DLC1: variants seen among roughly 807,000 people sequenced by gnomAD.
The protein encoded by DLC1 is DLC1 Rho GTPase activating protein.
Under a neutral mutation model 140.3 loss-of-function variants are expected in DLC1, and 54 were observed. That is an observed-to-expected ratio of 0.38 (90% CI 0.31 to 0.48). DLC1 has a LOEUF of 0.48. DLC1 is among the 20% of genes least tolerant of loss of function. The pLI, the probability that DLC1 is intolerant of heterozygous loss-of-function variation, is 0.96. For missense variants in DLC1, 2,536 were observed against 1,907.0 expected (o/e 1.33, Z -6.14); for synonymous variants, 986 against 728.1 (o/e 1.35, Z -5.70).
intron 5 of DLC1, among the ~76,000 whole-genome samples, chr8:13,144,519 A>C (rs1472554454): frequency 1.3e-5 from 2 of 152,174 alleles, no homozygotes; most frequent in Admixed American, 6.5e-5. Context: ...TAATATCAGC[A>C]CTTTGGGAGG....
chr8:13,100,425 C>G lies in DLC1; in HGVS notation c.1912G>C (p.Gly638Arg), dbSNP rs533131857. The change falls in exon 9 of 18, where the codon GGC (glycine) becomes CGC (arginine). Residue 638 changes from glycine (G) to arginine (R), a missense_variant. By Grantham distance (125) the Gly-to-Arg change is moderately radical. Transcript: ENST00000276297. Reference protein sequence around the residue: ...SNLAGNDDSFGSLPSPKELSS... With the variant: ...SNLAGNDDSFRSLPSPKELSS... ...AGTTCCTTGGGAGAGGGCAGGCTGC[C>G]GAAAGAGTCGTCATTGCCTGCCAAG... 1 of 1,613,982 alleles carries G rather than the reference C, an allele frequency of 6.2e-7. No individual in the cohort carries two copies. The highest frequency in any genetic ancestry group is 8.5e-7 in the Non-Finnish European group (1 of 1,180,028).
At chr8:13,382,367 C>A (rs1004695087) in intron 4 of DLC1, among the ~76,000 whole-genome samples, 5 of 150,634 alleles carry the variant, frequency 3.3e-5, no homozygotes, top group African/African-American at 1.2e-4. Flanking sequence ...ATTAGCCGGG[C>A]GAGGTGGCGG....
intron 5 of DLC1, among the ~76,000 whole-genome samples, chr8:13,123,850 T>G (rs1293474942): frequency 1.3e-5 from 2 of 152,106 alleles, no homozygotes; most frequent in African/African-American, 4.8e-5. Context: ...CTCATACAAT[T>G]TTTGTTCTAG....
intron 1 of DLC1, among the ~76,000 whole-genome samples, chr8:13,569,330 C>T (rs778250779): frequency 8.0e-5 from 12 of 149,552 alleles, no homozygotes; most frequent in South Asian, 2.2e-4. Context: ...TTACTCTTTG[C>T]GTTAAGACCT....
intron 4 of DLC1, among the ~76,000 whole-genome samples, chr8:13,313,561 C>A (rs1832761306): frequency 6.6e-6 from 1 of 152,098 alleles, no homozygotes; most frequent in Non-Finnish European, 1.5e-5. Flanking sequence ...GGGATTATCA[C>A]ACAGCTCCAT....
At chr8:13,387,257 C>G (rs549185299) in intron 4 of DLC1, among the ~76,000 whole-genome samples, 1 of 152,064 alleles carries the variant, frequency 6.6e-6, no homozygotes, top group East Asian at 1.9e-4. Context: ...TGAAAATAAA[C>G]ATTTCCAGTT....
intron 5 of DLC1, among the ~76,000 whole-genome samples, chr8:13,127,397 G>A (rs756272954): frequency 4.6e-5 from 7 of 152,206 alleles, no homozygotes; most frequent in Non-Finnish European, 8.8e-5. Flanking sequence ...GGTTTTCCAG[G>A]CTGCCTTTGC....
intron 1 of DLC1, among the ~76,000 whole-genome samples, chr8:13,529,646 G>C (rs1382508613): frequency 6.6e-6 from 1 of 152,142 alleles, no homozygotes; most frequent in Non-Finnish European, 1.5e-5. Context: ...ATTTAAGAAA[G>C]TCATTCCTTG....
At chr8:13,135,518 G>A (rs1013019539) in intron 5 of DLC1, among the ~76,000 whole-genome samples, 1 of 151,838 alleles carries the variant, frequency 6.6e-6, no homozygotes, top group African/African-American at 2.4e-5. Flanking sequence ...TCCCGTGATT[G>A]GATTTGCATT....
In DLC1 at chr8:13,114,523, AT is replaced by A. The variant is rs371298319; in HGVS notation, c.1420+1062del. ...ATGTTAAGAATTCAGCACAGATCCT[AT>A]TTTTTTTTTTGAACCATTTTTCTCA... is the stretch of plus-strand genomic sequence containing the variant. On this transcript the variant is annotated intron_variant, in intron 6 of 17. Transcript: ENST00000276297. Among the ~76,000 whole-genome samples the A allele has an allele frequency of 4.9e-3, 731 of 148,334 alleles. 7 individuals are homozygous for A. Among genetic ancestry groups the A allele is most frequent in the South Asian group, 0.034 (158 of 4,698 alleles).
Position 13,084,788 on chromosome 8 carries a change from T to G in DLC1, c.*1023A>C, listed in dbSNP as rs1817418298. On this transcript the variant is annotated 3_prime_UTR_variant, in exon 18 of 18. Coordinates refer to ENST00000276297, the MANE Select transcript of DLC1 (RefSeq NM_182643.3). ...GTAGGTGAGTTAAATTTACAGGGAT[T>G]TCCTTGGGACACACATAGTTTCCTA... 2 of 152,200 alleles carry G rather than the reference T, an allele frequency of 1.3e-5. No homozygotes were observed. The highest frequency in any genetic ancestry group is 6.5e-5 in the Admixed American group (1 of 15,268). The allele number at this position is 152,200 out of a possible 1,614,324, so 9.4% of individuals were successfully genotyped here.
chr8:13,454,839 C>T (rs547154918), intron 2 of DLC1, among the ~76,000 whole-genome samples: 4 of 152,268 alleles, frequency 2.6e-5, no homozygotes, highest in Admixed American at 2.0e-4. Context: ...GGGTGTGAGC[C>T]ATTGTGCCTG....
At chr8:13,261,048 C>T (rs1383087520) in intron 5 of DLC1, among the ~76,000 whole-genome samples, 3 of 152,208 alleles carry the variant, frequency 2.0e-5, no homozygotes, top group African/African-American at 7.2e-5. Context: ...AGGCACGTTT[C>T]TAAGCACTAG....
rs372991073 is a variant in DLC1 at position 13,356,089 on chromosome 8, C to CAAAA, written c.1314+37460_1314+37463dup. Among the ~76,000 whole-genome samples, 261 of 52,788 alleles carry CAAAA rather than the reference C, an allele frequency of 4.9e-3. 9 individuals are homozygous for CAAAA. Among genetic ancestry groups the CAAAA allele is most frequent in the Middle Eastern group, 0.016 (1 of 64 alleles). The allele number at this position is 52,788 out of a possible 152,430, so 34.6% of individuals were successfully genotyped here. A position where few individuals can be genotyped will look rare whatever the true frequency, so the allele number is the denominator to read the frequency against. ...TGAGTGACAGAGCAAGACTCCATCT[C>CAAAA]AAAAAAAAAAAAAAAAAAAAAAAAA... On this transcript the variant is annotated intron_variant, in intron 4 of 17. Coordinates refer to ENST00000276297, the MANE Select transcript of DLC1 (RefSeq NM_182643.3).
intron 4 of DLC1, among the ~76,000 whole-genome samples, chr8:13,346,384 G>A (rs900508182): frequency 6.6e-6 from 1 of 152,182 alleles, no homozygotes; most frequent in Non-Finnish European, 1.5e-5. Context: ...CACCAGGAAC[G>A]AAACGTAGGC....
chr8:13,203,052 A>G (rs1037370084), intron 5 of DLC1, among the ~76,000 whole-genome samples: 3 of 152,184 alleles, frequency 2.0e-5, no homozygotes, highest in African/African-American at 7.2e-5. Flanking sequence ...TGAAAACCGA[A>G]TAGTAGGAAA....
chr8:13,360,916 C>G (rs1835193674), intron 4 of DLC1, among the ~76,000 whole-genome samples: 2 of 148,576 alleles, frequency 1.3e-5, no homozygotes. Context: ...TATTAGAAAA[C>G]AAGTATTTTC....
At chr8:13,525,776 T>A (rs1441816250) in intron 1 of DLC1, among the ~76,000 whole-genome samples, 1 of 152,182 alleles carries the variant, frequency 6.6e-6, no homozygotes, top group Non-Finnish European at 1.5e-5. Context: ...GTCTTTTAGT[T>A]TTCTTTTGAA....
At position 13,296,065 on chromosome 8, in the gene DLC1, C is replaced by T. The variant is rs532899060; in HGVS notation, c.1348+9204G>A. Among the ~76,000 whole-genome samples, 148 of 142,496 alleles carry T rather than the reference C, an allele frequency of 1.0e-3. 3 individuals carry two copies. Among genetic ancestry groups the T allele is most frequent in the Non-Finnish European group, 5.1e-4 (34 of 66,404 alleles). The allele number at this position is 142,496 out of a possible 152,430, so 93.5% of individuals were successfully genotyped here. ...TCACCTCCCAGGTTCAAGCAATTCT[C>T]ATGCCTCAGCCTCCCGAGTAGCTGG... is the stretch of plus-strand genomic sequence containing the variant. On this transcript the variant is annotated intron_variant, in intron 5 of 17. Transcript: ENST00000276297.
Sources: gnomAD v4.1 joint callset for allele counts (sites outside exome capture counted in the v4.1 genomes callset) on GRCh38, gnomAD v4.1.1 for gene constraint, MANE v1.5 for transcripts, NCBI Gene and HGNC (gene_info 2026-07-23, HGNC 2026-07-21) for gene names.